The following ATF1 variants were observed in gnomAD, a reference collection of about 807,000 sequenced individuals.
The protein encoded by ATF1 is cyclic AMP-dependent transcription factor ATF-1.
A neutral mutation model predicts 34.7 loss-of-function variants in ATF1; 16 were observed. The ratio of observed to expected loss-of-function variants is 0.46; its 90% CI spans 0.31 to 0.70. The LOEUF is 0.70. Ranked by LOEUF, ATF1 falls within the 30% of genes least tolerant of loss-of-function variation. The pLI is 0.05. For missense variants in ATF1, 255 were observed against 321.6 expected (o/e 0.79, Z 1.58); for synonymous variants, 105 against 113.1 (o/e 0.93, Z 0.46).
intron 4 of ATF1, among the ~76,000 whole-genome samples, 175 bp downstream of exon 4, chr12:50,809,764 T>C (rs953599860): frequency 6.6e-6 from 1 of 152,222 alleles, no homozygotes; most frequent in Non-Finnish European, 1.5e-5. Context: ...ATAACAACTT[T>C]GTGACATAGG....
At chr12:50,800,932 T>C (rs1414709705) in intron 3 of ATF1, among the ~76,000 whole-genome samples, 7 of 152,026 alleles carry the variant, frequency 4.6e-5, no homozygotes, top group African/African-American at 1.7e-4. Context: ...AAACCCCGTC[T>C]CTATTACAAA....
chr12:50,782,911 A>G (rs1482315253), intron 2 of ATF1, among the ~76,000 whole-genome samples: 1 of 151,046 alleles, frequency 6.6e-6, no homozygotes, highest in Non-Finnish European at 1.5e-5. Context: ...GCTGGTCTTG[A>G]ACTCCTGACG....
chr12:50,773,585 C>G (rs1353532701), intron 1 of ATF1, among the ~76,000 whole-genome samples: 1 of 137,196 alleles, frequency 7.3e-6, no homozygotes, highest in Non-Finnish European at 1.6e-5. Context: ...ACCCACGATG[C>G]CAGCTATTTT....
intron 2 of ATF1, 86 bp downstream of exon 2, chr12:50,780,324 G>T: frequency 1.4e-5 from 17 of 1,190,626 alleles, no homozygotes; most frequent in East Asian, 5.4e-5. Context: ...TTATTAATGT[G>T]TTTTATTTTG....
chr12:50,796,043 A>ATGAT (rs1218410894), intron 3 of ATF1, 34 bp downstream of exon 3: 1 of 1,513,946 alleles, frequency 6.6e-7, no homozygotes, highest in Non-Finnish European at 9.0e-7. Context: ...CCTGCATGTT[A>ATGAT]TGATAGTACC....
intron 1 of ATF1, among the ~76,000 whole-genome samples, chr12:50,777,831 TA>T: frequency 6.6e-6 from 1 of 152,124 alleles, no homozygotes; most frequent in African/African-American, 2.4e-5. Context: ...AGAAAATATG[TA>T]GGCTTAAACT....
At chr12:50,810,427 A>C (rs536571771) in intron 4 of ATF1, among the ~76,000 whole-genome samples, 1 of 151,334 alleles carries the variant, frequency 6.6e-6, no homozygotes, top group Admixed American at 6.6e-5. Flanking sequence ...CATGTTGGCC[A>C]GGCTGGTCTC....
chr12:50,784,280 G>A (rs1388100060), intron 2 of ATF1, among the ~76,000 whole-genome samples: 2 of 152,156 alleles, frequency 1.3e-5, no homozygotes, highest in African/African-American at 2.4e-5. Flanking sequence ...TCTAATTTTG[G>A]AGAGACAGGC....
chr12:50,764,468 G>C (rs2139628379), intron 1 of ATF1, 161 bp downstream of exon 1: 1 of 151,960 alleles, frequency 6.6e-6, no homozygotes, highest in East Asian at 1.9e-4. Flanking sequence ...GGGGCCGCCC[G>C]CGCTTCCGGC....
At chr12:50,788,359 A>AT (rs1008609504) in intron 2 of ATF1, 5 of 363,530 alleles carry the variant, frequency 1.4e-5, no homozygotes, top group East Asian at 8.2e-5. Context: ...AACTTTTTGT[A>AT]TTTTTTTGTA....
chr12:50,788,999 A>G (rs1941245866), intron 2 of ATF1, among the ~76,000 whole-genome samples: 1 of 152,186 alleles, frequency 6.6e-6, no homozygotes, highest in Non-Finnish European at 1.5e-5. Flanking sequence ...TGTGTTAGAT[A>G]AGTTTCATTC....
intron 4 of ATF1, among the ~76,000 whole-genome samples, chr12:50,811,466 A>T (rs1941735370): frequency 6.6e-6 from 1 of 151,736 alleles, no homozygotes; most frequent in Non-Finnish European, 1.5e-5. Flanking sequence ...AATTAATTAA[A>T]TAATATATAT....
intron 3 of ATF1, among the ~76,000 whole-genome samples, chr12:50,799,669 A>T (rs1389003725): frequency 6.6e-6 from 1 of 152,224 alleles, no homozygotes; most frequent in Admixed American, 6.5e-5. Context: ...AAAATAGAGC[A>T]TATAAAGAGA....
chr12:50,772,692 CTCTTT>C (rs1940806275), intron 1 of ATF1, among the ~76,000 whole-genome samples: 1 of 150,998 alleles, frequency 6.6e-6, no homozygotes, highest in Non-Finnish European at 1.5e-5. Context: ...CTCTCTCTCT[CTCTTT>C]TATTTTAAGA....
chr12:50,796,152 C>G, intron 3 of ATF1, 143 bp downstream of exon 3: 1 of 664,704 alleles, frequency 1.5e-6, no homozygotes, highest in Non-Finnish European at 2.4e-6. Flanking sequence ...AATCCCAACC[C>G]TTTCGGAGGC....
intron 6 of ATF1, among the ~76,000 whole-genome samples, chr12:50,816,618 CGTG>C (rs1941848059): frequency 6.6e-6 from 1 of 152,004 alleles, no homozygotes; most frequent in African/African-American, 2.4e-5. Context: ...ACAGGCCAGG[CGTG>C]GTGGCTCACA....
intron 1 of ATF1, among the ~76,000 whole-genome samples, chr12:50,767,808 A>T (rs1592162353): frequency 1.3e-5 from 2 of 151,060 alleles, no homozygotes; most frequent in African/African-American, 2.4e-5. Context: ...ACTACTCTAG[A>T]CTCCTTCTGG....
intron 3 of ATF1, among the ~76,000 whole-genome samples, chr12:50,797,040 G>C (rs978903726): frequency 3.9e-5 from 6 of 152,248 alleles, no homozygotes; most frequent in Middle Eastern, 3.4e-3. Flanking sequence ...CGTAACTGAA[G>C]ACAAAATGAG....
At chr12:50,774,003 T>C (rs974976859) in intron 1 of ATF1, among the ~76,000 whole-genome samples, 1 of 152,142 alleles carries the variant, frequency 6.6e-6, no homozygotes, top group African/African-American at 2.4e-5. Context: ...GCCTAACATA[T>C]AATGTTTCTT....
Sources: gnomAD v4.1 joint callset for allele counts (sites outside exome capture counted in the v4.1 genomes callset) on GRCh38, gnomAD v4.1.1 for gene constraint, MANE v1.5 for transcripts, NCBI Gene and HGNC (gene_info 2026-07-23, HGNC 2026-07-21) for gene names.